The following UVRAG variants were observed in gnomAD, a reference collection of about 807,000 sequenced individuals.
UVRAG encodes UV radiation resistance associated, also known as UV radiation resistance-associated gene protein.
A neutral mutation model predicts 78.0 loss-of-function variants in UVRAG; 19 were observed. The observed-to-expected ratio is 0.24, with a 90% CI of 0.17 to 0.36. The LOEUF is 0.36. Ranked by LOEUF, UVRAG falls within the 10% of genes least tolerant of loss-of-function variation. UVRAG has a pLI of 1.00. For missense variants in UVRAG, 740 were observed against 853.8 expected (o/e 0.87, Z 1.66); for synonymous variants, 323 against 324.6 (o/e 1.00, Z 0.05).
chr11:76,034,516 G>A (rs929233033), intron 12 of UVRAG, among the ~76,000 whole-genome samples: 1 of 151,896 alleles, frequency 6.6e-6, no homozygotes, highest in Non-Finnish European at 1.5e-5. Flanking sequence ...TTTATTTAAC[G>A]TTTTTTTAAA....
At chr11:75,939,908 T>C (rs1948449758) in intron 6 of UVRAG, among the ~76,000 whole-genome samples, 1 of 152,212 alleles carries the variant, frequency 6.6e-6, no homozygotes, top group African/African-American at 2.4e-5. Flanking sequence ...AATTCTGTGT[T>C]TACTCATTTT....
At chr11:75,866,766 A>G (rs1946548535) in intron 3 of UVRAG, among the ~76,000 whole-genome samples, 1 of 152,242 alleles carries the variant, frequency 6.6e-6, no homozygotes. Flanking sequence ...TGGCAAACAA[A>G]CAAAATATGT....
At chr11:76,075,971 G>A (rs781743609) in intron 13 of UVRAG, among the ~76,000 whole-genome samples, 6 of 152,014 alleles carry the variant, frequency 3.9e-5, no homozygotes, top group Non-Finnish European at 5.9e-5. Flanking sequence ...ATGTATATAC[G>A]ACATGTTATT....
Position 76,008,861 on chromosome 11 carries a change from T to C in UVRAG, c.1054T>C (p.Phe352Leu). Residue 352 changes from phenylalanine to leucine, a missense_variant, in exon 11 of 15, where the codon TTC becomes CTC. Phe to Leu is a conservative substitution (Grantham distance 22). Coordinates refer to ENST00000356136, the MANE Select transcript of UVRAG (RefSeq NM_003369.4). ...CGVKLPNSED[F>L]QAKDDGSIAV... ...TGTCAAGTTGCCTAATTCTGAGGACTTCCAAGGTATTTTATTTTTTATTTT... is the reference window on the plus strand; with the variant it reads ...TGTCAAGTTGCCTAATTCTGAGGACCTCCAAGGTATTTTATTTTTTATTTT... The C allele has an allele frequency of 6.9e-7, 1 of 1,457,284 alleles. No homozygotes were observed. The highest frequency in any genetic ancestry group is 9.3e-7 in the Non-Finnish European group (1 of 1,076,700). 90.3% of individuals were successfully genotyped at this position (1,457,284 alleles called of 1,614,324 possible). A position where few individuals can be genotyped will look rare whatever the true frequency, so the allele number is the denominator to read the frequency against.
At chr11:75,915,376 A>G (rs896363447) in intron 6 of UVRAG, among the ~76,000 whole-genome samples, 47 of 152,234 alleles carry the variant, frequency 3.1e-4, no homozygotes, top group African/African-American at 1.1e-3. Context: ...CAGTGTTGCC[A>G]AAGATTAGCA....
intron 12 of UVRAG, among the ~76,000 whole-genome samples, chr11:76,054,424 G>A (rs1328850272): frequency 6.6e-6 from 1 of 152,120 alleles, no homozygotes; most frequent in Non-Finnish European, 1.5e-5. Context: ...TCCTCACAGA[G>A]CAGCCATTAA....
intron 1 of UVRAG, among the ~76,000 whole-genome samples, chr11:75,830,511 T>G (rs1248631809): frequency 6.6e-6 from 1 of 152,040 alleles, no homozygotes; most frequent in Non-Finnish European, 1.5e-5. Flanking sequence ...GACCTTGTGA[T>G]CCACCCGCCT....
chr11:75,908,841 C>T (rs542407486), intron 5 of UVRAG, among the ~76,000 whole-genome samples: 2 of 147,834 alleles, frequency 1.4e-5, no homozygotes, highest in African/African-American at 2.5e-5. Context: ...GTTTCTGTTT[C>T]TTCTTGAGTC....
At chr11:76,065,886 C>A (rs1040350281) in intron 13 of UVRAG, 98 bp downstream of exon 13, 6 of 1,066,298 alleles carry the variant, frequency 5.6e-6, no homozygotes, top group Non-Finnish European at 8.3e-6. Context: ...CTGCAGTTGA[C>A]CCTCGCATTT....
At chr11:75,895,605 T>C (rs1426690192) in intron 5 of UVRAG, among the ~76,000 whole-genome samples, 2 of 151,978 alleles carry the variant, frequency 1.3e-5, no homozygotes, top group Non-Finnish European at 2.9e-5. Context: ...AAATGGTCTT[T>C]ATTTGGCATA....
chr11:75,858,784 G>A (rs576737845), intron 2 of UVRAG, among the ~76,000 whole-genome samples: 1 of 152,204 alleles, frequency 6.6e-6, no homozygotes, highest in East Asian at 1.9e-4. Flanking sequence ...CACCCTGTTA[G>A]GTGAAAAATA....
intron 14 of UVRAG, among the ~76,000 whole-genome samples, chr11:76,136,408 T>C (rs553586523): frequency 6.5e-4 from 99 of 152,222 alleles, no homozygotes; most frequent in African/African-American, 2.3e-3. Flanking sequence ...GAAGCAACCA[T>C]TTAGAATTCT....
chr11:76,086,862 G>T (rs1315912155), intron 13 of UVRAG, among the ~76,000 whole-genome samples: 3 of 152,158 alleles, frequency 2.0e-5, no homozygotes, highest in Admixed American at 1.3e-4. Context: ...ATTATAACAT[G>T]CTTTGTTTTC....
chr11:76,136,044 C>A lies in UVRAG; in HGVS notation c.1398-4667C>A, dbSNP rs528247206. 4.3e-4 allele frequency among the ~76,000 whole-genome samples: 65 copies of A among 152,320 alleles called. 1 individual carries two copies. The highest frequency in any genetic ancestry group is 3.4e-3 in the Middle Eastern group (1 of 294). On this transcript the variant is annotated intron_variant, in intron 14 of 14. Transcript: ENST00000356136. ...GTAAATCTATGAGTTTCAACCTCTT[C>A]ATCTAGATGAAATAGTCATGAAGCC...
At chr11:75,982,043 G>T (rs1449408779) in intron 7 of UVRAG, among the ~76,000 whole-genome samples, 1 of 151,238 alleles carries the variant, frequency 6.6e-6, no homozygotes, top group Admixed American at 6.6e-5. Flanking sequence ...ATTGGCATCT[G>T]TTGTTTGTCC....
intron 3 of UVRAG, among the ~76,000 whole-genome samples, chr11:75,877,620 ACCTC>A (rs1565358616): frequency 1.0e-5 from 1 of 99,124 alleles, no homozygotes; most frequent in South Asian, 3.7e-4. Flanking sequence ...TGACCCCCCC[ACCTC>A]CCTCCCGGAC....
At chr11:76,051,941 A>G (rs1406922501) in intron 12 of UVRAG, among the ~76,000 whole-genome samples, 1 of 152,142 alleles carries the variant, frequency 6.6e-6, no homozygotes, top group Non-Finnish European at 1.5e-5. Context: ...AATCTGTCAC[A>G]TACCTTCCTA....
At chr11:75,987,574 A>G (rs1220461627) in intron 8 of UVRAG, among the ~76,000 whole-genome samples, 1 of 152,174 alleles carries the variant, frequency 6.6e-6, no homozygotes, top group African/African-American at 2.4e-5. Context: ...AAATAGAAGT[A>G]GTATCAGTGG....
intron 1 of UVRAG, among the ~76,000 whole-genome samples, chr11:75,844,839 A>C (rs1254489415): frequency 1.3e-5 from 2 of 151,616 alleles, no homozygotes; most frequent in Non-Finnish European, 2.9e-5. Flanking sequence ...ATGCCCAACT[A>C]ATTTTTGTGG....
Sources: allele counts gnomAD v4.1 joint callset (sites outside exome capture counted in the v4.1 genomes callset), GRCh38; gene constraint gnomAD v4.1.1; transcripts MANE v1.5; gene names NCBI Gene and HGNC (gene_info 2026-07-23, HGNC 2026-07-21).